Variants in CNTNAP2 observed in about 807,000 individuals in gnomAD.
CNTNAP2 encodes the protein contactin associated protein 2, also known as contactin-associated protein-like 2.
A neutral mutation model predicts 155.2 loss-of-function variants in CNTNAP2; 98 were observed. That is an observed-to-expected ratio of 0.63 (90% CI 0.54 to 0.75). The LOEUF (loss-of-function observed/expected upper bound fraction) is 0.75. Among genes scored for constraint, CNTNAP2 ranks in the 30% least tolerant of loss-of-function variants. The pLI is 0.00. For missense variants in CNTNAP2, 1,727 were observed against 1,688.1 expected (o/e 1.02, Z -0.40); for synonymous variants, 651 against 631.2 (o/e 1.03, Z -0.47).
intron 21 of CNTNAP2, among the ~76,000 whole-genome samples, chr7:148,329,718 T>C (rs1408005284): frequency 1.3e-5 from 2 of 152,194 alleles, no homozygotes; most frequent in African/African-American, 4.8e-5. Context: ...AGTGCTGGGA[T>C]CATTCTCCCT....
intron 23 of CNTNAP2, among the ~76,000 whole-genome samples, chr7:148,412,314 C>A (rs572075934): frequency 6.6e-6 from 1 of 152,340 alleles, no homozygotes; most frequent in African/African-American, 2.4e-5. Context: ...GTGGCGCACG[C>A]CTGTAATCCC....
At chr7:146,531,974 TA>T (rs1234309651) in intron 1 of CNTNAP2, among the ~76,000 whole-genome samples, 15 of 151,884 alleles carry the variant, frequency 9.9e-5, no homozygotes, top group Non-Finnish European at 1.6e-4. Flanking sequence ...TTGAACAAGA[TA>T]GGGGGAGGTA....
chr7:148,012,162 C>A (rs185890952), intron 15 of CNTNAP2, among the ~76,000 whole-genome samples: 58 of 152,318 alleles, frequency 3.8e-4, no homozygotes, highest in Non-Finnish European at 6.9e-4. Flanking sequence ...AAGTGATCTT[C>A]CCCCCTCAGT....
At chr7:147,739,860 G>A (rs1013207857) in intron 13 of CNTNAP2, among the ~76,000 whole-genome samples, 1 of 151,838 alleles carries the variant, frequency 6.6e-6, no homozygotes, top group East Asian at 1.9e-4. Flanking sequence ...TAAAACTTAA[G>A]TATATTACAT....
chr7:147,014,999 AAACGCTAAGGAATTAATTTCT>A (rs1798694165), intron 3 of CNTNAP2, among the ~76,000 whole-genome samples: 1 of 152,192 alleles, frequency 6.6e-6, no homozygotes, highest in South Asian at 2.1e-4. Context: ...AGTTATTTGT[AAACGCTAAGGAATTAATTTCT>A]TAAATTATTT....
intron 13 of CNTNAP2, among the ~76,000 whole-genome samples, chr7:147,869,009 C>T (rs116271605): frequency 0.054 from 8,233 of 152,268 alleles, 749 homozygotes; most frequent in African/African-American, 0.19. Flanking sequence ...TGCGATGAAC[C>T]AGGTACTTCA....
intron 1 of CNTNAP2, among the ~76,000 whole-genome samples, chr7:146,439,320 A>G (rs1360920641): frequency 6.9e-6 from 1 of 144,442 alleles, no homozygotes; most frequent in Non-Finnish European, 1.5e-5. Context: ...ATTGATGTAG[A>G]TGCCACTAAC....
At chr7:146,607,885 A>G (rs1009806207) in intron 1 of CNTNAP2, among the ~76,000 whole-genome samples, 1 of 152,128 alleles carries the variant, frequency 6.6e-6, no homozygotes, top group African/African-American at 2.4e-5. Flanking sequence ...CTGAATTTAC[A>G]TATTCTCTTA....
At chr7:147,898,141 G>GA in intron 13 of CNTNAP2, among the ~76,000 whole-genome samples, 1 of 152,160 alleles carries the variant, frequency 6.6e-6, no homozygotes, top group Non-Finnish European at 1.5e-5. Context: ...TCAACACACA[G>GA]AAAAATCAAG....
intron 21 of CNTNAP2, among the ~76,000 whole-genome samples, chr7:148,293,172 C>T (rs1001333706): frequency 6.6e-6 from 1 of 152,144 alleles, no homozygotes; most frequent in African/African-American, 2.4e-5. Context: ...TTCACCACCA[C>T]CTCAATACAT....
chr7:146,259,731 C>A (rs1370932699), intron 1 of CNTNAP2, among the ~76,000 whole-genome samples: 1 of 152,104 alleles, frequency 6.6e-6, no homozygotes, highest in Admixed American at 6.5e-5. Context: ...AAAACTGATA[C>A]TTATATTTTA....
chr7:147,141,390 T>C (rs1801594362), intron 8 of CNTNAP2, among the ~76,000 whole-genome samples: 1 of 152,274 alleles, frequency 6.6e-6, no homozygotes, highest in South Asian at 2.1e-4. Context: ...GTTATGAGCA[T>C]GGACTCTGGA....
chr7:146,306,417 A>T (rs1378170344), intron 1 of CNTNAP2, among the ~76,000 whole-genome samples: 2 of 152,186 alleles, frequency 1.3e-5, no homozygotes, highest in Non-Finnish European at 2.9e-5. Context: ...TCAGCCTGAT[A>T]ACAAAGCCTG....
chr7:148,033,745 T>G (rs1047449999), intron 15 of CNTNAP2, among the ~76,000 whole-genome samples: 4 of 152,234 alleles, frequency 2.6e-5, no homozygotes, highest in Non-Finnish European at 1.5e-5. Context: ...GATTGCATTT[T>G]TTATAGTATG....
intron 2 of CNTNAP2, among the ~76,000 whole-genome samples, chr7:146,803,822 C>T (rs757728715): frequency 2.6e-5 from 4 of 152,108 alleles, no homozygotes; most frequent in African/African-American, 7.2e-5. Context: ...GTTTTATGTG[C>T]GCTGCATATT....
At chr7:146,939,492 C>T (rs1469574311) in intron 3 of CNTNAP2, among the ~76,000 whole-genome samples, 2 of 152,104 alleles carry the variant, frequency 1.3e-5, no homozygotes, top group Non-Finnish European at 2.9e-5. Flanking sequence ...TCTTTTCCAG[C>T]AAAATAAATG....
chr7:148,345,862 T>G (rs111569823), intron 21 of CNTNAP2, among the ~76,000 whole-genome samples: 1,850 of 152,318 alleles, frequency 0.012, 19 homozygotes, highest in Middle Eastern at 0.027. Flanking sequence ...TTTTTCTTGG[T>G]GTGACATTTG....
intron 1 of CNTNAP2, among the ~76,000 whole-genome samples, chr7:146,169,997 G>T (rs1798365568): frequency 6.6e-6 from 1 of 150,620 alleles, no homozygotes; most frequent in Non-Finnish European, 1.5e-5. Flanking sequence ...GGGATTGCTG[G>T]ATCTAGACTT....
intron 15 of CNTNAP2, among the ~76,000 whole-genome samples, chr7:148,017,575 A>C (rs774022407): frequency 4.3e-4 from 66 of 152,240 alleles, no homozygotes; most frequent in Non-Finnish European, 8.2e-4. Flanking sequence ...TATATGTTCT[A>C]GTTTTAGAAT....
Sources: allele counts gnomAD v4.1 joint callset (sites outside exome capture counted in the v4.1 genomes callset), GRCh38; gene constraint gnomAD v4.1.1; transcripts MANE v1.5; gene names NCBI Gene and HGNC (gene_info 2026-07-23, HGNC 2026-07-21).